The following ERAP2 variants were observed in gnomAD, a reference collection of about 807,000 sequenced individuals.
ERAP2 encodes endoplasmic reticulum aminopeptidase 2, also known as leukocyte-derived arginine aminopeptidase.
ERAP2 carries 118 observed loss-of-function variants against 111.1 expected under a neutral mutation model. The ratio of observed to expected loss-of-function variants is 1.06; its 90% CI spans 0.92 to 1.24. The LOEUF (loss-of-function observed/expected upper bound fraction) is 1.24, where lower values mean the gene tolerates loss of function less well. Among genes scored for constraint, ERAP2 ranks in the 50% most tolerant of loss-of-function variants. ERAP2 has a pLI of 0.00. For synonymous variants in ERAP2, 410 were observed against 401.2 expected, an observed-to-expected ratio of 1.02 and a Z score of -0.26; for missense variants, 1,131 against 1,125.8, an observed-to-expected ratio of 1.00 and a Z score of -0.07.
At chr5:96,887,970 C>A (rs964337921) in intron 4 of ERAP2, among the ~76,000 whole-genome samples, 4 of 151,574 alleles carry the variant, frequency 2.6e-5, no homozygotes, top group African/African-American at 4.8e-5. Context: ...ACTAAAAATA[C>A]AAAAATTAGC....
In ERAP2 at chr5:96,919,357, T is replaced by C. The variant is rs1262500027; in HGVS notation, c.*1752T>C. On this transcript the variant is annotated 3_prime_UTR_variant, in exon 19 of 19. Coordinates refer to ENST00000437043, the MANE Select transcript of ERAP2 (RefSeq NM_022350.5). ...ACTTTGACTTGGTGGTGGACCTTCC[T>C]TGGTTTTTATAACACCTAAGAGATA... 6.6e-6 allele frequency: 1 copy of C among 152,356 alleles called. No homozygotes were observed. The highest frequency in any genetic ancestry group is 1.9e-4 in the East Asian group (1 of 5,338). The allele number at this position is 152,356 out of a possible 1,614,324, so 9.4% of individuals were successfully genotyped here. A position where few individuals can be genotyped will look rare whatever the true frequency, so the allele number is the denominator to read the frequency against.
At chr5:96,882,695 G>A (rs1397280691) in intron 2 of ERAP2, among the ~76,000 whole-genome samples, 1 of 152,170 alleles carries the variant, frequency 6.6e-6, no homozygotes, top group Non-Finnish European at 1.5e-5. Context: ...ATTCCAGCCA[G>A]TTAGAATTCC....
At position 96,902,270 on chromosome 5, in the gene ERAP2, A is replaced by G. The variant is rs547864167; in HGVS notation, c.1749-4A>G. 9 of 1,587,908 alleles carry G rather than the reference A, an allele frequency of 5.7e-6. No homozygotes were observed. The East Asian group carries it at 1.6e-4, about 28-fold the overall frequency. ...TCTGTAACTATCTTTACTCTCTGTC[A>G]TAGGTACCTGTGGCATATCCCATTG... is the stretch of plus-strand genomic sequence containing the variant. On this transcript the variant is annotated splice_region_variant and splice_polypyrimidine_tract_variant and intron_variant, in intron 11 of 18. Coordinates refer to ENST00000437043, the MANE Select transcript of ERAP2 (RefSeq NM_022350.5).
chr5:96,894,034 G>A (rs552621416), intron 6 of ERAP2, among the ~76,000 whole-genome samples: 31 of 152,230 alleles, frequency 2.0e-4, no homozygotes, highest in African/African-American at 6.3e-4. Flanking sequence ...CTCTGTCCCT[G>A]GCAAAGACAT....
intron 2 of ERAP2, among the ~76,000 whole-genome samples, chr5:96,883,269 T>C (rs1183514920): frequency 6.6e-6 from 1 of 152,206 alleles, no homozygotes; most frequent in African/African-American, 2.4e-5. Context: ...CCCTTTTCCC[T>C]GTCCTGCTTC....
intron 6 of ERAP2, among the ~76,000 whole-genome samples, chr5:96,893,030 C>A (rs781179684): frequency 2.0e-5 from 3 of 152,086 alleles, no homozygotes; most frequent in African/African-American, 7.2e-5. Flanking sequence ...GGAAAGTGTG[C>A]GGATCACATA....
rs1295715713 is a variant in ERAP2 at position 96,896,447 on chromosome 5, A to G, written c.1314A>G (p.Lys438=). 5 of 1,613,612 alleles carry G rather than the reference A, an allele frequency of 3.1e-6. No individual in the cohort carries two copies. Among genetic ancestry groups the G allele is most frequent in the South Asian group, 2.2e-5 (2 of 91,052 alleles). ...TGAATTCATCCCGCCCTATCTCCAA[A>G]CCAGCGGAAACCCCGACTCAAATAC... ...DSLNSSRPIS[K]PAETPTQIQE... Residue 438 remains lysine, a synonymous_variant, in exon 8 of 19, where the codon AAA becomes AAG. Coordinates refer to ENST00000437043, the MANE Select transcript of ERAP2 (RefSeq NM_022350.5).
chr5:96,894,972 T>C (rs1428727021), intron 6 of ERAP2, among the ~76,000 whole-genome samples: 1 of 151,786 alleles, frequency 6.6e-6, no homozygotes, highest in East Asian at 1.9e-4. Flanking sequence ...ATCTAATAAC[T>C]AGGAAATGTT....
At position 96,879,795 on chromosome 5, in the gene ERAP2, A is replaced by G; in HGVS notation, c.110A>G (p.Gln37Arg). Residue 37 changes from glutamine (Q) to arginine (R), a missense_variant, in exon 2 of 19, where the codon CAG (glutamine) becomes CGG (arginine). Physicochemically the swap from Gln to Arg is conservative, Grantham distance 43. Around this residue, in one of 3 missense-constraint regions of ERAP2, gnomAD observed 847 missense variants for 856.5 expected, o/e 0.99. Coordinates refer to ENST00000437043, the MANE Select transcript of ERAP2 (RefSeq NM_022350.5). ...AILPQICICS[Q>R]FSVPSSYHFT... Reference sequence around the variant, plus strand: ...TTGCCCCAAATATGCATTTGTTCTCAGTTCTCAGTGCCATCTAGTTATCAC... The same window carrying G: ...TTGCCCCAAATATGCATTTGTTCTCGGTTCTCAGTGCCATCTAGTTATCAC... The G allele has an allele frequency of 1.2e-6, 2 of 1,614,194 alleles. No homozygotes were observed. Among genetic ancestry groups the G allele is most frequent in the Non-Finnish European group, 1.7e-6 (2 of 1,180,018 alleles).
rs759219335 is a variant in ERAP2, at chr5:96,879,832, T to A, written c.147T>A (p.Asp49Glu). ...SVPSSYHFTE[D>E]PGAFPVATNG... ...CATCTAGTTATCACTTCACTGAGGATCCTGGGGCTTTCCCAGTAGCCACTA... is the reference window on the plus strand; with the variant it reads ...CATCTAGTTATCACTTCACTGAGGAACCTGGGGCTTTCCCAGTAGCCACTA... The change falls in exon 2 of 19, where the codon GAT becomes GAA. Residue 49 changes from aspartate to glutamate, a missense_variant. Coordinates refer to ENST00000437043, the MANE Select transcript of ERAP2 (RefSeq NM_022350.5). The A allele has an allele frequency of 1.2e-6, 2 of 1,614,146 alleles. No individual in the cohort carries two copies. Among genetic ancestry groups the A allele is most frequent in the Non-Finnish European group, 1.7e-6 (2 of 1,180,024 alleles).
chr5:96,892,575 A>G, intron 6 of ERAP2, 122 bp downstream of exon 6: 2 of 1,102,596 alleles, frequency 1.8e-6, no homozygotes, highest in Non-Finnish European at 2.6e-6. Flanking sequence ...CTTAGAGACT[A>G]CTAAACCTAA....
At chr5:96,900,845 T>A (rs1485836165) in intron 10 of ERAP2, among the ~76,000 whole-genome samples, 1 of 151,942 alleles carries the variant, frequency 6.6e-6, no homozygotes, top group Admixed American at 6.6e-5. Flanking sequence ...CCCGGCTAAT[T>A]TTTTTGTATT....
At chr5:96,904,023 C>T (rs1487256946) in intron 13 of ERAP2, among the ~76,000 whole-genome samples, 1 of 152,188 alleles carries the variant, frequency 6.6e-6, no homozygotes, top group Non-Finnish European at 1.5e-5. Context: ...TTAGCTGCTA[C>T]ACCAAATACC....
intron 5 of ERAP2, among the ~76,000 whole-genome samples, chr5:96,891,723 T>C (rs1383088243): frequency 6.6e-6 from 1 of 152,002 alleles, no homozygotes; most frequent in Non-Finnish European, 1.5e-5. Flanking sequence ...CAGAATCAAT[T>C]CCCAGAGCTT....
At chr5:96,893,164 C>G (rs1403614622) in intron 6 of ERAP2, among the ~76,000 whole-genome samples, 1 of 152,090 alleles carries the variant, frequency 6.6e-6, no homozygotes, top group African/African-American at 2.4e-5. Context: ...GTATTACATA[C>G]AAATGTGGAA....
rs201866836 is a variant in ERAP2, at chr5:96,900,092, T to C, written c.1504-29T>C. 8.2e-5 allele frequency: 133 copies of C among 1,613,502 alleles called. No individual in the cohort carries two copies. In the African/African-American group the frequency reaches 1.3e-3, roughly 16 times the overall value. On this transcript the variant is annotated intron_variant, in intron 9 of 18. Coordinates refer to ENST00000437043, the MANE Select transcript of ERAP2 (RefSeq NM_022350.5). ...TTCAGCCAACTAATGATGCCTACAT[T>C]GCAGTGCTCTTTTGTTCTTGTTTTG...
chr5:96,884,071 TATCTATCTATC>T (rs1783468724), intron 3 of ERAP2, 141 bp downstream of exon 3: 1 of 562,358 alleles, frequency 1.8e-6, no homozygotes, highest in Admixed American at 4.3e-5. Flanking sequence ...TCTATCTATC[TATCTATCTATC>T]ATCATAATTT....
chr5:96,888,050 G>A (rs781774517), intron 4 of ERAP2, among the ~76,000 whole-genome samples: 17 of 151,898 alleles, frequency 1.1e-4, no homozygotes, highest in African/African-American at 1.4e-4. Flanking sequence ...GCTTGAACCC[G>A]GGAGGCGGAT....
intron 4 of ERAP2, among the ~76,000 whole-genome samples, chr5:96,888,165 AAAG>A (rs1783964098): frequency 3.0e-5 from 1 of 33,228 alleles, no homozygotes; most frequent in African/African-American, 1.6e-4. Flanking sequence ...AAAGAAAAAA[AAAG>A]AAAAATCTGT....
Sources: allele counts gnomAD v4.1 joint callset (sites outside exome capture counted in the v4.1 genomes callset), GRCh38; gene constraint gnomAD v4.1.1; regional missense constraint gnomAD v4.1.1; transcripts MANE v1.5; gene names NCBI Gene and HGNC (gene_info 2026-07-23, HGNC 2026-07-21).